INTS9: variants seen among roughly 807,000 people sequenced by gnomAD.
INTS9 encodes the protein protein related to CPSF subunits of 74 kDa.
Under a neutral mutation model 79.7 loss-of-function variants are expected in INTS9, and 55 were observed. The observed-to-expected ratio is 0.69, with a 90% CI of 0.56 to 0.86. INTS9 has a LOEUF of 0.86. Among genes scored for constraint, INTS9 ranks in the 40% least tolerant of loss-of-function variants. The pLI, the probability that INTS9 is intolerant of heterozygous loss-of-function variation, is 0.00. For synonymous variants in INTS9, 319 were observed against 325.2 expected (o/e 0.98, Z 0.20); for missense variants, 721 against 831.5 (o/e 0.87, Z 1.64).
In INTS9 at chr8:28,846,823, A is replaced by G. The variant is rs199630199; in HGVS notation, c.199-14T>C. Reference sequence around the variant, plus strand: ...CTCCTTTAGCTCCTAAAAGAAATGAAAAGGAAAAATACAAGGAAGAGATAT... The same window carrying G: ...CTCCTTTAGCTCCTAAAAGAAATGAGAAGGAAAAATACAAGGAAGAGATAT... On this transcript the variant is annotated splice_polypyrimidine_tract_variant and intron_variant, in intron 3 of 16. Coordinates refer to ENST00000521022, the MANE Select transcript of INTS9 (RefSeq NM_018250.4). 8 of 1,604,824 alleles carry G rather than the reference A, an allele frequency of 5.0e-6. No homozygotes were observed. The Admixed American group carries it at 6.7e-5, about 13-fold the overall frequency.
chr8:28,799,112 T>C (rs963345764), intron 8 of INTS9, among the ~76,000 whole-genome samples: 4 of 152,100 alleles, frequency 2.6e-5, no homozygotes, highest in African/African-American at 7.2e-5. Flanking sequence ...CTGGCCAACA[T>C]AGCGAAACCC....
At chr8:28,814,621 C>T (rs1365336553) in intron 6 of INTS9, among the ~76,000 whole-genome samples, 2 of 152,146 alleles carry the variant, frequency 1.3e-5, no homozygotes, top group African/African-American at 2.4e-5. Flanking sequence ...GCAGATGTCC[C>T]TTCTCCTCTC....
At chr8:28,777,987 C>A (rs1802996349) in intron 12 of INTS9, 34 bp from the exon 13 acceptor site, 2 of 1,578,434 alleles carry the variant, frequency 1.3e-6, no homozygotes, top group Middle Eastern at 1.7e-4. Context: ...TCTTACAATG[C>A]AGACTACACA....
chr8:28,797,530 C>A (rs1473611054), intron 8 of INTS9, among the ~76,000 whole-genome samples: 1 of 152,184 alleles, frequency 6.6e-6, no homozygotes, highest in African/African-American at 2.4e-5. Context: ...TAGGAACTCC[C>A]AGGGCACACT....
intron 14 of INTS9, among the ~76,000 whole-genome samples, chr8:28,773,960 C>T (rs893932844): frequency 6.6e-6 from 1 of 152,182 alleles, no homozygotes. Context: ...GCTGGGATTA[C>T]AGGTGCGTGA....
intron 9 of INTS9, among the ~76,000 whole-genome samples, chr8:28,794,757 G>A (rs1167951568): frequency 2.6e-5 from 4 of 152,190 alleles, no homozygotes; most frequent in Non-Finnish European, 4.4e-5. Flanking sequence ...TTTTCTTCTG[G>A]AAGTCTCCTT....
At chr8:28,808,457 T>A (rs2131026801) in intron 8 of INTS9, among the ~76,000 whole-genome samples, 1 of 152,318 alleles carries the variant, frequency 6.6e-6, no homozygotes, top group South Asian at 2.1e-4. Context: ...GTGCTAGGAT[T>A]ACAGGTGTGT....
chr8:28,787,990 T>C (rs979684408), intron 10 of INTS9, 101 bp from the exon 11 acceptor site: 3 of 637,774 alleles, frequency 4.7e-6, no homozygotes, highest in South Asian at 3.0e-5. Context: ...CTGAAGTTTA[T>C]TTAAAAATTT....
chr8:28,862,056 G>A, intron 1 of INTS9: 1 of 985,190 alleles, frequency 1.0e-6, no homozygotes, highest in Middle Eastern at 5.2e-4. Flanking sequence ...TCAACTGAGT[G>A]CACGGGAGCA....
chr8:28,839,807 C>G (rs896864064), intron 4 of INTS9, among the ~76,000 whole-genome samples: 4 of 151,420 alleles, frequency 2.6e-5, no homozygotes, highest in African/African-American at 9.7e-5. Context: ...GGATTAAAGA[C>G]TTAAACGTTA....
At chr8:28,878,854 C>T (rs189174757) in intron 1 of INTS9, among the ~76,000 whole-genome samples, 18 of 151,996 alleles carry the variant, frequency 1.2e-4, no homozygotes, top group Middle Eastern at 6.8e-3. Flanking sequence ...GTGGCAGGTA[C>T]CTGTAGTACC....
intron 1 of INTS9, among the ~76,000 whole-genome samples, chr8:28,877,477 C>T (rs1347617522): frequency 1.3e-5 from 2 of 152,098 alleles, no homozygotes; most frequent in Non-Finnish European, 2.9e-5. Flanking sequence ...TTTGATAAAT[C>T]TCTATGGGAG....
intron 1 of INTS9, among the ~76,000 whole-genome samples, chr8:28,860,663 G>A (rs1808414337): frequency 6.6e-6 from 1 of 152,198 alleles, no homozygotes; most frequent in South Asian, 2.1e-4. Context: ...ATTTTTAGTA[G>A]AGATGGGGTT....
intron 14 of INTS9, 106 bp downstream of exon 14, chr8:28,775,653 G>T: frequency 2.4e-6 from 3 of 1,229,998 alleles, no homozygotes; most frequent in Non-Finnish European, 2.3e-6. Context: ...CGCGCAGCCT[G>T]GTTCATTTAT....
intron 1 of INTS9, among the ~76,000 whole-genome samples, chr8:28,885,399 T>TA (rs1197910408): frequency 6.6e-6 from 1 of 152,210 alleles, no homozygotes; most frequent in Non-Finnish European, 1.5e-5. Context: ...ACATTAATCT[T>TA]AAAGTCACAT....
intron 1 of INTS9, among the ~76,000 whole-genome samples, chr8:28,885,099 A>C (rs1810113629): frequency 6.6e-6 from 1 of 152,196 alleles, no homozygotes; most frequent in African/African-American, 2.4e-5. Context: ...CCATGAATTC[A>C]TTTCTTTGCT....
In INTS9 at chr8:28,876,352, C is replaced by G. The variant is rs557840469; in HGVS notation, c.9+13522G>C. 4.6e-5 allele frequency among the ~76,000 whole-genome samples: 7 copies of G among 152,230 alleles called. No homozygotes were observed. In the East Asian group the frequency reaches 1.3e-3, roughly 29 times the overall value. ...TAAAATCCATTGTTTACTCAAAAGT[C>G]TGGAAAGGGCTTACAAGATATAATT... On this transcript the variant is annotated intron_variant, in intron 1 of 16. Transcript: ENST00000521022.
rs188603870 is a variant in INTS9 at position 28,795,595 on chromosome 8, G to T, written c.856+949C>A. Among the ~76,000 whole-genome samples the T allele has an allele frequency of 2.0e-3, 266 of 131,330 alleles. 1 individual carries two copies. Among genetic ancestry groups the T allele is most frequent in the African/African-American group, 7.2e-3 (246 of 34,326 alleles). 86.2% of individuals were successfully genotyped at this position (131,330 alleles called of 152,430 possible). A position where few individuals can be genotyped will look rare whatever the true frequency, so the allele number is the denominator to read the frequency against. ...GCGGAGGTTGCAGTGAGCCAAGATC[G>T]TGCCACTGCACTCTAGCCTGGGCAA... On this transcript the variant is annotated intron_variant, in intron 9 of 16. Transcript: ENST00000521022.
intron 5 of INTS9, among the ~76,000 whole-genome samples, chr8:28,835,891 C>T (rs1175902911): frequency 6.6e-6 from 1 of 151,954 alleles, no homozygotes; most frequent in Non-Finnish European, 1.5e-5. Context: ...TCACTACAAT[C>T]TCCGCCTCCC....
Sources: gnomAD v4.1 joint callset for allele counts (sites outside exome capture counted in the v4.1 genomes callset) on GRCh38, gnomAD v4.1.1 for gene constraint, MANE v1.5 for transcripts, NCBI Gene and HGNC (gene_info 2026-07-23, HGNC 2026-07-21) for gene names.